KCNB2: variants seen among roughly 807,000 people sequenced by gnomAD.
KCNB2 encodes the protein potassium voltage-gated channel subfamily B member 2.
KCNB2 carries 15 observed loss-of-function variants against 61.5 expected under a neutral mutation model. The observed-to-expected ratio is 0.24, with a 90% CI of 0.16 to 0.38. The LOEUF is 0.38. Among genes scored for constraint, KCNB2 ranks in the 10% least tolerant of loss-of-function variants. KCNB2 has a pLI of 1.00. For missense variants in KCNB2, 828 were observed against 1,125.2 expected, an observed-to-expected ratio of 0.74 and a Z score of 3.78; for synonymous variants, 457 against 446.0, an observed-to-expected ratio of 1.02 and a Z score of -0.31.
intron 2 of KCNB2, among the ~76,000 whole-genome samples, chr8:72,681,304 G>A (rs972414869): frequency 2.0e-5 from 3 of 152,108 alleles, no homozygotes; most frequent in African/African-American, 4.8e-5. Flanking sequence ...AACAAAAAAA[G>A]ACAGCTTTTT....
At chr8:72,561,747 GTATATA>G (rs1320328900) in intron 1 of KCNB2, among the ~76,000 whole-genome samples, 1 of 16,060 alleles carries the variant, frequency 6.2e-5, no homozygotes, top group African/African-American at 3.6e-4. Context: ...ATATATATAT[GTATATA>G]TATATATGGA....
intron 2 of KCNB2, among the ~76,000 whole-genome samples, chr8:72,840,428 C>G (rs989442584): frequency 1.3e-5 from 2 of 152,168 alleles, no homozygotes; most frequent in South Asian, 4.1e-4. Context: ...ATATACCCAG[C>G]AATGGGATTG....
At chr8:72,608,713 A>G (rs1424584965) in intron 2 of KCNB2, among the ~76,000 whole-genome samples, 3 of 152,204 alleles carry the variant, frequency 2.0e-5, no homozygotes, top group Non-Finnish European at 4.4e-5. Flanking sequence ...AGTCTCTCCA[A>G]GATGAGAGAT....
At chr8:72,835,198 T>C (rs1018065281) in intron 2 of KCNB2, among the ~76,000 whole-genome samples, 1 of 152,212 alleles carries the variant, frequency 6.6e-6, no homozygotes, top group East Asian at 1.9e-4. Context: ...GACTTCACAT[T>C]AATGCAGAAT....
chr8:72,613,564 T>A (rs1178475449), intron 2 of KCNB2, among the ~76,000 whole-genome samples: 1 of 152,238 alleles, frequency 6.6e-6, no homozygotes, highest in African/African-American at 2.4e-5. Flanking sequence ...CACTATGTAT[T>A]AAGATCTGAC....
At chr8:72,925,750 G>A (rs145421933) in intron 2 of KCNB2, among the ~76,000 whole-genome samples, 78 of 152,256 alleles carry the variant, frequency 5.1e-4, no homozygotes, top group African/African-American at 1.7e-3. Flanking sequence ...GGGTTTATAC[G>A]CAAAGTAATA....
chr8:72,550,453 C>A (rs1806330061), intron 1 of KCNB2, among the ~76,000 whole-genome samples: 1 of 152,174 alleles, frequency 6.6e-6, no homozygotes, highest in Non-Finnish European at 1.5e-5. Context: ...ACCCCTAGAT[C>A]CCTTGCAGTG....
At chr8:72,708,413 A>G (rs1281743617) in intron 2 of KCNB2, among the ~76,000 whole-genome samples, 1 of 152,196 alleles carries the variant, frequency 6.6e-6, no homozygotes, top group Non-Finnish European at 1.5e-5. Context: ...ATTTGCTGAG[A>G]TCATCCAAAA....
intron 2 of KCNB2, among the ~76,000 whole-genome samples, chr8:72,582,687 A>G (rs1035887033): frequency 1.3e-5 from 2 of 152,206 alleles, no homozygotes; most frequent in Non-Finnish European, 2.9e-5. Flanking sequence ...ATCATAGCTC[A>G]CCGTAACCTC....
At chr8:72,710,867 C>T (rs1411779642) in intron 2 of KCNB2, among the ~76,000 whole-genome samples, 1 of 152,166 alleles carries the variant, frequency 6.6e-6, no homozygotes, top group Non-Finnish European at 1.5e-5. Flanking sequence ...ATTAGAAGGC[C>T]TCTCAAGGCT....
intron 2 of KCNB2, among the ~76,000 whole-genome samples, chr8:72,850,818 T>C (rs10090248): frequency 0.85 from 129,625 of 152,034 alleles, 56,227 homozygotes; most frequent in Middle Eastern, 0.97. Context: ...TTTATATGTG[T>C]GCATGTATGT....
chr8:72,681,754 C>A (rs780176392), intron 2 of KCNB2, among the ~76,000 whole-genome samples: 3 of 152,176 alleles, frequency 2.0e-5, no homozygotes, highest in Non-Finnish European at 2.9e-5. Flanking sequence ...AGCATCACCA[C>A]AAGCACGTGA....
chr8:72,841,372 CTTTTTT>C (rs769263287), intron 2 of KCNB2, among the ~76,000 whole-genome samples: 2 of 34,226 alleles, frequency 5.8e-5, no homozygotes, highest in African/African-American at 7.7e-5. Context: ...TTTTTTTTTT[CTTTTTT>C]TTTTTTTTTT....
intron 2 of KCNB2, among the ~76,000 whole-genome samples, chr8:72,919,487 C>T (rs932317073): frequency 2.0e-5 from 3 of 152,212 alleles, no homozygotes; most frequent in Non-Finnish European, 4.4e-5. Flanking sequence ...TTCTGAACAA[C>T]CACTGTTTTT....
chr8:72,594,622 A>T (rs796075596), intron 2 of KCNB2, among the ~76,000 whole-genome samples: 36 of 152,298 alleles, frequency 2.4e-4, no homozygotes, highest in African/African-American at 8.4e-4. Flanking sequence ...AGCTATAAAA[A>T]TTTCAGCAAG....
chr8:72,767,082 C>G (rs952882175), intron 2 of KCNB2, among the ~76,000 whole-genome samples: 6 of 152,084 alleles, frequency 3.9e-5, no homozygotes, highest in African/African-American at 1.4e-4. Context: ...AAAACCAGCA[C>G]CCATGATTCA....
At chr8:72,566,713 A>AT (rs922131734) in intron 1 of KCNB2, among the ~76,000 whole-genome samples, 1 of 147,312 alleles carries the variant, frequency 6.8e-6, no homozygotes, top group African/African-American at 2.5e-5. Context: ...TCTATTTCAA[A>AT]AAAAAAAAAA....
At chr8:72,739,163 A>G (rs1351290467) in intron 2 of KCNB2, among the ~76,000 whole-genome samples, 1 of 151,828 alleles carries the variant, frequency 6.6e-6, no homozygotes, top group Admixed American at 6.6e-5. Context: ...TTCTCACTCA[A>G]AGTTTCTTCT....
chr8:72,894,785 G>A (rs921826479), intron 2 of KCNB2, among the ~76,000 whole-genome samples: 6 of 152,044 alleles, frequency 3.9e-5, no homozygotes, highest in African/African-American at 4.8e-5. Flanking sequence ...GCCTCTTTTC[G>A]GGAATTGTAA....
Sources: gnomAD v4.1 joint callset for allele counts (sites outside exome capture counted in the v4.1 genomes callset) on GRCh38, gnomAD v4.1.1 for gene constraint, MANE v1.5 for transcripts, NCBI Gene and HGNC (gene_info 2026-07-23, HGNC 2026-07-21) for gene names.